RETSAT: variants seen among roughly 807,000 people sequenced by gnomAD.
RETSAT encodes retinol saturase.
In RETSAT, 35 loss-of-function variants were observed where a neutral mutation model predicts 61.6. That is an observed-to-expected ratio of 0.57 (90% confidence interval 0.43 to 0.75). The LOEUF is 0.75. Ranked by LOEUF, RETSAT falls within the 30% of genes least tolerant of loss-of-function variation. The pLI is 0.00. For synonymous variants in RETSAT, 277 were observed against 310.4 expected, an observed-to-expected ratio of 0.89 and a Z score of 1.13; for missense variants, 670 against 759.5, an observed-to-expected ratio of 0.88 and a Z score of 1.38.
At position 85,344,095 on chromosome 2, in the gene RETSAT, C is replaced by G. The variant is rs369173452; in HGVS notation, c.1437G>C (p.Lys479Asn). 4.3e-6 allele frequency: 7 copies of G among 1,613,990 alleles called. No homozygotes were observed. In the African/African-American group the frequency reaches 8.0e-5, roughly 18 times the overall value. The change falls in exon 9 of 11, where the codon AAG (lysine) becomes AAC (asparagine). Residue 479 changes from lysine (K) to asparagine (N), a missense_variant. Lys to Asn is a moderately conservative substitution (Grantham distance 94, BLOSUM62 0). Transcript: ENST00000295802. ...EWFEEWQAELKGKRGSDYETF... is the reference protein window; with the variant it reads ...EWFEEWQAELNGKRGSDYETF... ...TCTCATAGTCACTGCCCCGCTTTCCCTTCAGCTCCGCCTGCCACTCCTCAA... is the reference window on the plus strand; with the variant it reads ...TCTCATAGTCACTGCCCCGCTTTCCGTTCAGCTCCGCCTGCCACTCCTCAA...
At position 85,344,721 on chromosome 2, in the gene RETSAT, G is replaced by A; in HGVS notation, c.1129C>T (p.Gln377Ter). 1 of 1,614,110 alleles carries A rather than the reference G, an allele frequency of 6.2e-7. No individual in the cohort carries two copies. The highest frequency in any genetic ancestry group is 2.2e-5 in the East Asian group (1 of 44,870). Residue 377 changes from glutamine to a stop codon, truncating the protein, a stop_gained, in exon 7 of 11, where the codon CAA (glutamine) becomes TAA (stop). Transcript: ENST00000295802. LOFTEE classifies it high-confidence loss of function. ...AAGCCGGGCCGCACCGTCCCCAGTT[G>A]CTGCTTCACACCTGCCAGGGGGAGT... Reference protein sequence around the residue: ...NARCLPGVKQQLGTVRPGLGM... With the variant: ...NARCLPGVKQ
In RETSAT at chr2:85,343,324, C is replaced by T. The variant is rs139595022; in HGVS notation, c.1751G>A (p.Ser584Asn). Reference sequence around the variant, plus strand: ...CAAGTTCCGCTTCAGGATGGCGCTGCTGCACAGCAGGGCACCTTGCAGGGC... The same window carrying T: ...CAAGTTCCGCTTCAGGATGGCGCTGTTGCACAGCAGGGCACCTTGCAGGGC... ...VGALQGALLC[S>N]SAILKRNLYS... Residue 584 changes from serine to asparagine, a missense_variant, in exon 11 of 11, where the codon AGC becomes AAC. Coordinates refer to ENST00000295802, the MANE Select transcript of RETSAT (RefSeq NM_017750.4). 4.7e-4 allele frequency: 762 copies of T among 1,613,920 alleles called. No homozygotes were observed. The highest frequency in any genetic ancestry group is 1.2e-3 in the Middle Eastern group (7 of 6,046).
rs1322820433 is a variant in RETSAT at position 85,349,051 on chromosome 2, A to ATTTTTGGGTTTTTTTT, written c.997+332_997+333insAAAAAAAACCCAAAAA. On this transcript the variant is annotated intron_variant, in intron 5 of 10. Coordinates refer to ENST00000295802, the MANE Select transcript of RETSAT (RefSeq NM_017750.4). ...GACGTGAGCCACCATGCCCGGCCAT[A>ATTTTTGGGTTTTTTTT]TTTTTGTTTTTTTTTTTTTAAAGAG... is the stretch of plus-strand genomic sequence containing the variant. Among the ~76,000 whole-genome samples the ATTTTTGGGTTTTTTTT allele has an allele frequency of 3.7e-3, 531 of 145,392 alleles. 5 individuals carry two copies. The highest frequency in any genetic ancestry group is 0.013 in the African/African-American group (509 of 39,060).
chr2:85,345,363 C>A (rs183066514), intron 6 of RETSAT: 119 of 187,412 alleles, frequency 6.3e-4, no homozygotes, highest in African/African-American at 2.6e-3. Context: ...GGGAGCAGCT[C>A]CCGGGCCCAC....
Position 85,344,713 on chromosome 2 carries a change from C to G in RETSAT, c.1137G>C (p.Gly379=). The G allele has an allele frequency of 6.2e-7, 1 of 1,614,156 alleles. No individual in the cohort carries two copies. Among genetic ancestry groups the G allele is most frequent in the Non-Finnish European group, 8.5e-7 (1 of 1,180,010 alleles). ...TCATGCCTAAGCCGGGCCGCACCGT[C>G]CCCAGTTGCTGCTTCACACCTGCCA... The part of the protein sequence containing the change: ...RCLPGVKQQL[G]TVRPGLGMTS... Residue 379 remains glycine (G), a synonymous_variant, in exon 7 of 11, where the codon GGG becomes GGC. Coordinates refer to ENST00000295802, the MANE Select transcript of RETSAT (RefSeq NM_017750.4).
At chr2:85,349,057 GT>G (rs1334867463) in intron 5 of RETSAT, among the ~76,000 whole-genome samples, 81 of 133,220 alleles carry the variant, frequency 6.1e-4, no homozygotes, top group East Asian at 1.9e-3. Context: ...CCATATTTTT[GT>G]TTTTTTTTTT....
intron 1 of RETSAT, among the ~76,000 whole-genome samples, chr2:85,353,339 C>T (rs1238540397): frequency 6.6e-6 from 1 of 152,210 alleles, no homozygotes; most frequent in Non-Finnish European, 1.5e-5. Flanking sequence ...GAGGCTGAGG[C>T]AGGATAATCA....
Position 85,349,587 on chromosome 2 carries a change from G to A in RETSAT, c.800-6C>T. ...ACTGTGGTTGGGGGTGACACCTGCA[G>A]AAGCAAGGAAGGGTGGTGAGCTGGC... On this transcript the variant is annotated splice_polypyrimidine_tract_variant and splice_region_variant and intron_variant, in intron 4 of 10. Coordinates refer to ENST00000295802, the MANE Select transcript of RETSAT (RefSeq NM_017750.4). 1 of 1,613,700 alleles carries A rather than the reference G, an allele frequency of 6.2e-7. No homozygotes were observed. The highest frequency in any genetic ancestry group is 1.1e-5 in the South Asian group (1 of 91,070).
chr2:85,343,403 C>T (rs771270161), intron 10 of RETSAT, 22 bp from the exon 11 acceptor site: 18 of 1,604,438 alleles, frequency 1.1e-5, no homozygotes, highest in Non-Finnish European at 1.5e-5. Flanking sequence ...GAGCAGAGGC[C>T]CCTGAGCGTG....
rs1376693794 is a variant in RETSAT, at chr2:85,351,875, G to C, written c.173-13C>G. On this transcript the variant is annotated splice_polypyrimidine_tract_variant and intron_variant, in intron 1 of 10. Coordinates refer to ENST00000295802, the MANE Select transcript of RETSAT (RefSeq NM_017750.4). ...TTGGCTGAAAAAGCTACAGCAGAAG[G>C]GCCAAAGGGTGGGTTTCTCAGGCAG... 6.2e-7 allele frequency: 1 copy of C among 1,609,964 alleles called. No individual in the cohort carries two copies. The highest frequency in any genetic ancestry group is 1.3e-5 in the African/African-American group (1 of 74,784).
Position 85,343,658 on chromosome 2 carries a change from G to A in RETSAT, c.1674C>T (p.Ile558=). The change falls in exon 10 of 11, where the codon ATC becomes ATT. Residue 558 remains isoleucine, a synonymous_variant. Transcript: ENST00000295802. ...VMASLRAQSP[I]PNLYLTGQDI... is the part of the protein sequence containing the mutation. ...GTATACCTGTCAGATAGAGGTTGGG[G>A]ATGGGGCTCTGGGCCCTCAAGGAGG... is the stretch of plus-strand genomic sequence containing the variant. 6.2e-7 allele frequency: 1 copy of A among 1,614,096 alleles called. No homozygotes were observed. The highest frequency in any genetic ancestry group is 8.5e-7 in the Non-Finnish European group (1 of 1,179,976).
At chr2:85,345,603 C>T (rs567488198) in intron 6 of RETSAT, 6 of 367,862 alleles carry the variant, frequency 1.6e-5, no homozygotes, top group South Asian at 1.1e-4. Context: ...GCTGCGTTGG[C>T]TCGGCGGCTC....
Position 85,343,625 on chromosome 2 carries a change from G to A in RETSAT, c.1693+14C>T. The A allele has an allele frequency of 6.2e-7, 1 of 1,614,026 alleles. No individual in the cohort carries two copies. The highest frequency in any genetic ancestry group is 8.5e-7 in the Non-Finnish European group (1 of 1,179,888). ...AGGGTCTCAGGTCCTGACAACATGG[G>A]GCAGTGAGTATACCTGTCAGATAGA... On this transcript the variant is annotated intron_variant, in intron 10 of 10. Coordinates refer to ENST00000295802, the MANE Select transcript of RETSAT (RefSeq NM_017750.4).
At position 85,344,703 on chromosome 2, in the gene RETSAT, G is replaced by C; in HGVS notation, c.1147C>G (p.Pro383Ala). The C allele has an allele frequency of 6.2e-7, 1 of 1,614,154 alleles. No homozygotes were observed. The highest frequency in any genetic ancestry group is 8.5e-7 in the Non-Finnish European group (1 of 1,180,010). ...AAAACAGAGGTCATGCCTAAGCCGG[G>C]CCGCACCGTCCCCAGTTGCTGCTTC... ...GVKQQLGTVR[P>A]GLGMTSVFIC... The change falls in exon 7 of 11, where the codon CCC becomes GCC. Residue 383 changes from proline to alanine, a missense_variant. Coordinates refer to ENST00000295802, the MANE Select transcript of RETSAT (RefSeq NM_017750.4).
chr2:85,349,677 T>G lies in RETSAT; in HGVS notation c.800-96A>C, dbSNP rs1683266410. The G allele has an allele frequency of 2.8e-6, 3 of 1,064,922 alleles. No homozygotes were observed. The East Asian group carries it at 7.6e-5, about 27-fold the overall frequency. 66.0% of individuals were successfully genotyped at this position (1,064,922 alleles called of 1,614,324 possible). ...TTCTGTGAGATAACACACAGCCCAG[T>G]CTATCCGAGGAACCACATGTTCCTC... On this transcript the variant is annotated intron_variant, in intron 4 of 10. Coordinates refer to ENST00000295802, the MANE Select transcript of RETSAT (RefSeq NM_017750.4).
At chr2:85,351,081 T>C in intron 2 of RETSAT, 60 bp from the exon 3 acceptor site, 1 of 1,595,106 alleles carries the variant, frequency 6.3e-7, no homozygotes, top group Non-Finnish European at 8.6e-7. Context: ...CCTGGAAAGG[T>C]GGCTGAGGAA....
At chr2:85,347,580 C>A (rs1683223625) in intron 5 of RETSAT, among the ~76,000 whole-genome samples, 1 of 152,038 alleles carries the variant, frequency 6.6e-6, no homozygotes, top group Non-Finnish European at 1.5e-5. Context: ...GTTGGCCAGG[C>A]TGGTCTCGAA....
In RETSAT at chr2:85,342,988, T is replaced by G. The variant is rs1683113175; in HGVS notation, c.*254A>C. 2.6e-6 allele frequency: 1 copy of G among 390,288 alleles called. No individual in the cohort carries two copies. The highest frequency in any genetic ancestry group is 2.0e-5 in the African/African-American group (1 of 49,740). 24.2% of individuals were successfully genotyped at this position (390,288 alleles called of 1,614,324 possible). Reference sequence around the variant, plus strand: ...CGCCGCTCGTCATGAGACATCAAGCTATCCAAGTCAATATCCTATTAGTAG... The same window carrying G: ...CGCCGCTCGTCATGAGACATCAAGCGATCCAAGTCAATATCCTATTAGTAG... On this transcript the variant is annotated 3_prime_UTR_variant, in exon 11 of 11. Transcript: ENST00000295802.
chr2:85,350,974 T>TA lies in RETSAT; in HGVS notation c.402dup (p.Ile135TyrfsTer7). ...TGCCCTTCAGTGATCTGGTCCAAGA[T>TA]AAAACGGCCAATGCTGCCCTCTTCC... On this transcript the variant is annotated frameshift_variant, in exon 3 of 11. Coordinates refer to ENST00000295802, the MANE Select transcript of RETSAT (RefSeq NM_017750.4). LOFTEE classifies it high-confidence loss of function. 1 of 1,614,106 alleles carries TA rather than the reference T, an allele frequency of 6.2e-7. No homozygotes were observed. The highest frequency in any genetic ancestry group is 8.5e-7 in the Non-Finnish European group (1 of 1,180,020).
Sources: gnomAD v4.1 joint callset for allele counts (sites outside exome capture counted in the v4.1 genomes callset) on GRCh38, gnomAD v4.1.1 for gene constraint, MANE v1.5 for transcripts, NCBI Gene and HGNC (gene_info 2026-07-23, HGNC 2026-07-21) for gene names.